Variants in CUL4A observed in about 807,000 individuals in gnomAD.
CUL4A encodes the protein cullin-4A.
Under a neutral mutation model 95.5 loss-of-function variants are expected in CUL4A, and 16 were observed. That is an observed-to-expected ratio of 0.17 (90% CI 0.11 to 0.25). The LOEUF (loss-of-function observed/expected upper bound fraction) is 0.25. Ranked by LOEUF, CUL4A falls within the 10% of genes least tolerant of loss-of-function variation. The pLI is 1.00. For missense variants in CUL4A, 610 were observed against 937.0 expected (o/e 0.65, Z 4.56); for synonymous variants, 380 against 353.1 (o/e 1.08, Z -0.85).
At chr13:113,230,931 C>G (rs543621971) in intron 5 of CUL4A, among the ~76,000 whole-genome samples, 4 of 152,072 alleles carry the variant, frequency 2.6e-5, no homozygotes, top group African/African-American at 9.6e-5. Flanking sequence ...CCACCACATT[C>G]GACTAACTTC....
At chr13:113,225,997 A>C (rs2041090693) in intron 3 of CUL4A, among the ~76,000 whole-genome samples, 1 of 152,204 alleles carries the variant, frequency 6.6e-6, no homozygotes, top group African/African-American at 2.4e-5. Context: ...TGTCTTAGCC[A>C]GGCCCCTGTA....
At chr13:113,224,790 G>A (rs1595367550) in intron 3 of CUL4A, among the ~76,000 whole-genome samples, 1 of 152,210 alleles carries the variant, frequency 6.6e-6, no homozygotes, top group Non-Finnish European at 1.5e-5. Context: ...ATGAAGAGAC[G>A]AAAGCCCAAG....
chr13:113,245,952 T>G lies in CUL4A; in HGVS notation c.1531-4T>G, dbSNP rs1335522515. On this transcript the variant is annotated splice_region_variant and splice_polypyrimidine_tract_variant and intron_variant, in intron 14 of 19. Coordinates refer to ENST00000375440, the MANE Select transcript of CUL4A (RefSeq NM_001008895.4). The stretch of plus-strand genomic sequence containing the variant: ...AATGATTGTCTTGGATTTCTCTGTT[T>G]TAGCATATGCAGAATCAGAGTGACT... The G allele has an allele frequency of 6.2e-7, 1 of 1,601,176 alleles. No homozygotes were observed. The highest frequency in any genetic ancestry group is 2.2e-5 in the East Asian group (1 of 44,810).
At chr13:113,250,405 T>G (rs1276052606) in intron 15 of CUL4A, among the ~76,000 whole-genome samples, 1 of 152,186 alleles carries the variant, frequency 6.6e-6, no homozygotes, top group Non-Finnish European at 1.5e-5. Flanking sequence ...TGAGCTGTGA[T>G]GGAGCCGCTG....
chr13:113,243,486 A>G lies in CUL4A; in HGVS notation c.1228+326A>G, dbSNP rs1226457504. ...ATCCATATTAAAATAGGATAAAACCAGATGAGATCTCAAATGATAATACTA... is the reference window on the plus strand; with the variant it reads ...ATCCATATTAAAATAGGATAAAACCGGATGAGATCTCAAATGATAATACTA... On this transcript the variant is annotated intron_variant, in intron 11 of 19. Transcript: ENST00000375440. Among the ~76,000 whole-genome samples the G allele has an allele frequency of 2.0e-5, 3 of 152,204 alleles. No homozygotes were observed. The East Asian group carries it at 5.8e-4, about 29-fold the overall frequency.
intron 7 of CUL4A, among the ~76,000 whole-genome samples, chr13:113,234,627 T>C (rs1399384762): frequency 6.6e-6 from 1 of 152,216 alleles, no homozygotes; most frequent in Non-Finnish European, 1.5e-5. Context: ...CTTTGAGGTC[T>C]CCTGCAACCG....
upstream of CUL4A, chr13:113,208,528 A>T: frequency 1.3e-6 from 2 of 1,575,826 alleles, no homozygotes; most frequent in Non-Finnish European, 1.7e-6. Flanking sequence ...TGAGGGTCCA[A>T]GGCAGGAGGG....
At chr13:113,256,785 T>C (rs79398481) in intron 18 of CUL4A, among the ~76,000 whole-genome samples, 1 of 152,170 alleles carries the variant, frequency 6.6e-6, no homozygotes, top group Non-Finnish European at 1.5e-5. Context: ...TGCTGCTCTT[T>C]TTATGCTTAG....
intron 18 of CUL4A, among the ~76,000 whole-genome samples, chr13:113,258,022 T>C (rs1349154924): frequency 6.6e-6 from 1 of 152,152 alleles, no homozygotes; most frequent in African/African-American, 2.4e-5. Flanking sequence ...TTGTTTTGTT[T>C]TGTTTTGTTT....
chr13:113,220,403 C>T (rs1933346860), intron 3 of CUL4A, among the ~76,000 whole-genome samples: 1 of 152,234 alleles, frequency 6.6e-6, no homozygotes, highest in South Asian at 2.1e-4. Flanking sequence ...GACCGCACAC[C>T]ACCTTTTGGA....
intron 15 of CUL4A, 49 bp downstream of exon 15, chr13:113,246,112 C>A: frequency 1.4e-6 from 2 of 1,387,262 alleles, no homozygotes; most frequent in Non-Finnish European, 2.0e-6. Flanking sequence ...ATGCCCTTAC[C>A]AGGCACAGAT....
rs751406744 is a variant in CUL4A, at chr13:113,245,079, G to A, written c.1444+20G>A. 1.2e-6 allele frequency: 2 copies of A among 1,610,948 alleles called. No individual in the cohort carries two copies. The highest frequency in any genetic ancestry group is 1.7e-6 in the Non-Finnish European group (2 of 1,177,082). The stretch of plus-strand genomic sequence containing the variant: ...AGCATGGTAAGTATGTGGGGCCTGG[G>A]CTCCTCCCCTGTAACTGAGGGTTGC... On this transcript the variant is annotated intron_variant, in intron 13 of 19. Transcript: ENST00000375440.
chr13:113,229,632 C>G (rs2139167169), intron 5 of CUL4A, 113 bp downstream of exon 5: 2 of 840,708 alleles, frequency 2.4e-6, no homozygotes, highest in Admixed American at 4.7e-5. Context: ...TTGTGCCTTC[C>G]TTTCTTCAGC....
At position 113,228,058 on chromosome 13, in the gene CUL4A, AC is replaced by A; in HGVS notation, c.438+14del. 6.2e-7 allele frequency: 1 copy of A among 1,605,390 alleles called. No homozygotes were observed. The stretch of plus-strand genomic sequence containing the variant: ...CTGCAGACAAATGGTAAGCTTGTTC[AC>A]TTTTTCATCAAAACACGACCTCATC... On this transcript the variant is annotated intron_variant, in intron 4 of 19. Coordinates refer to ENST00000375440, the MANE Select transcript of CUL4A (RefSeq NM_001008895.4).
At chr13:113,249,289 C>T (rs1350963331) in intron 15 of CUL4A, among the ~76,000 whole-genome samples, 3 of 152,144 alleles carry the variant, frequency 2.0e-5, no homozygotes, top group Admixed American at 6.5e-5. Context: ...CTGTACCATA[C>T]ATGAGCGCTT....
At chr13:113,248,653 T>C (rs577387385) in intron 15 of CUL4A, among the ~76,000 whole-genome samples, 1 of 152,302 alleles carries the variant, frequency 6.6e-6, no homozygotes, top group South Asian at 2.1e-4. Flanking sequence ...CTCCCACAGA[T>C]ACTAAAATTC....
At chr13:113,227,607 GTTAAAA>G (rs1312099601) in intron 3 of CUL4A, among the ~76,000 whole-genome samples, 1 of 152,152 alleles carries the variant, frequency 6.6e-6, no homozygotes, top group African/African-American at 2.4e-5. Context: ...AAATTAAGGG[GTTAAAA>G]TTGTAATAAT....
chr13:113,252,708 C>T lies in CUL4A; in HGVS notation c.1639-374C>T, dbSNP rs138966974. Among the ~76,000 whole-genome samples, 1,373 of 152,334 alleles carry T rather than the reference C, an allele frequency of 9.0e-3. 17 individuals are homozygous for T. Among genetic ancestry groups the T allele is most frequent in the African/African-American group, 0.032 (1,316 of 41,568 alleles). ...CAGGAGCCCCGCTCATTGCCGGGAA[C>T]ACCAGCCGAGGCCAGGGCTGGGCAT... On this transcript the variant is annotated intron_variant, in intron 15 of 19. Transcript: ENST00000375440.
chr13:113,250,041 T>C (rs1004055238), intron 15 of CUL4A, among the ~76,000 whole-genome samples: 2 of 152,236 alleles, frequency 1.3e-5, no homozygotes, highest in Non-Finnish European at 2.9e-5. Context: ...TTCTGTGGGC[T>C]ATCTTTTTAC....
Sources: allele counts gnomAD v4.1 joint callset (sites outside exome capture counted in the v4.1 genomes callset), GRCh38; gene constraint gnomAD v4.1.1; transcripts MANE v1.5; gene names NCBI Gene and HGNC (gene_info 2026-07-23, HGNC 2026-07-21).